The following RNF144A variants were observed in gnomAD, a reference collection of about 807,000 sequenced individuals.
RNF144A encodes the protein ring finger protein 144A.
RNF144A carries 11 observed loss-of-function variants against 38.7 expected under a neutral mutation model. The observed-to-expected ratio is 0.28, with a 90% CI of 0.18 to 0.47. RNF144A has a LOEUF of 0.47. Ranked by LOEUF, RNF144A falls within the 20% of genes least tolerant of loss-of-function variation. The pLI is 0.99. For synonymous variants in RNF144A, 149 were observed against 143.9 expected, an observed-to-expected ratio of 1.04 and a Z score of -0.25; for missense variants, 316 against 377.2, an observed-to-expected ratio of 0.84 and a Z score of 1.34.
At chr2:6,989,481 C>T (rs757242422) in intron 2 of RNF144A, among the ~76,000 whole-genome samples, 3 of 152,182 alleles carry the variant, frequency 2.0e-5, no homozygotes, top group African/African-American at 2.4e-5. Context: ...ATTACAGGTT[C>T]GGCCCATTCC....
At chr2:6,936,844 A>AGTGTGTGTGT (rs55971680) in intron 1 of RNF144A, among the ~76,000 whole-genome samples, 9,240 of 144,110 alleles carry the variant, frequency 0.064, 388 homozygotes, top group Non-Finnish European at 0.082. Context: ...CACACACAGT[A>AGTGTGTGTGT]GTGTGTGTGT....
At chr2:7,002,539 G>A (rs760744660) in intron 3 of RNF144A, among the ~76,000 whole-genome samples, 2 of 152,050 alleles carry the variant, frequency 1.3e-5, no homozygotes, top group Non-Finnish European at 1.5e-5. Flanking sequence ...AAGGAAAGAG[G>A]GTGTTGGGGC....
chr2:6,927,488 C>T (rs1664950132), intron 1 of RNF144A, among the ~76,000 whole-genome samples: 1 of 152,210 alleles, frequency 6.6e-6, no homozygotes, highest in Admixed American at 6.5e-5. Context: ...TGAGCTGTGT[C>T]CTGCTGGCCT....
intron 1 of RNF144A, among the ~76,000 whole-genome samples, chr2:6,930,786 G>A (rs1026151882): frequency 6.6e-6 from 1 of 151,936 alleles, no homozygotes; most frequent in Non-Finnish European, 1.5e-5. Context: ...TAGAGGGGGG[G>A]ATTTGCCATG....
At chr2:7,026,281 A>G (rs1174956169) in intron 7 of RNF144A, among the ~76,000 whole-genome samples, 6 of 152,338 alleles carry the variant, frequency 3.9e-5, no homozygotes, top group South Asian at 4.1e-4. Flanking sequence ...TAATAGTAGA[A>G]CGTGATGCAG....
chr2:7,065,579 A>T (rs547246327), intron 6 of RNF144A, among the ~76,000 whole-genome samples: 43 of 152,358 alleles, frequency 2.8e-4, no homozygotes, highest in African/African-American at 9.9e-4. Context: ...ACTAGTGTGG[A>T]ACTAGAATTT....
intron 3 of RNF144A, among the ~76,000 whole-genome samples, chr2:6,999,782 T>C (rs913871323): frequency 6.6e-6 from 1 of 152,234 alleles, no homozygotes; most frequent in Non-Finnish European, 1.5e-5. Flanking sequence ...GGTTTAGAAC[T>C]GCAGGAATAA....
chr2:6,945,627 A>G (rs1215723580), intron 2 of RNF144A, among the ~76,000 whole-genome samples: 1 of 152,130 alleles, frequency 6.6e-6, no homozygotes, highest in Non-Finnish European at 1.5e-5. Context: ...AGCATCCATG[A>G]TGTGCAAGGT....
rs551829814 is a variant in RNF144A at position 6,924,308 on chromosome 2, C to CCGAGG, written c.-212+6688_-212+6692dup. ...TTCCGTGGCCGTGTTGCTGGGGGGC[C>CCGAGG]CGAGGCACTGTGCGATGCACGGGAA... On this transcript the variant is annotated intron_variant, in intron 1 of 8. Transcript: ENST00000320892. Among the ~76,000 whole-genome samples, 465 of 152,352 alleles carry CCGAGG rather than the reference C, an allele frequency of 3.1e-3. 1 individual carries two copies. Among genetic ancestry groups the CCGAGG allele is most frequent in the African/African-American group, 0.011 (448 of 41,574 alleles).
chr2:6,965,291 G>T (rs1025433732), intron 2 of RNF144A, among the ~76,000 whole-genome samples: 1 of 152,188 alleles, frequency 6.6e-6, no homozygotes, highest in Non-Finnish European at 1.5e-5. Flanking sequence ...CATGAGGAGG[G>T]TGTGTCGGAG....
intron 6 of RNF144A, among the ~76,000 whole-genome samples, chr2:7,064,654 TAGATTAAGGA>T (rs1185504413): frequency 1.3e-5 from 2 of 152,144 alleles, no homozygotes; most frequent in Non-Finnish European, 2.9e-5. Context: ...ACACAGGCTG[TAGATTAAGGA>T]AGATTCTGGT....
At chr2:6,960,216 G>A (rs1007937100) in intron 2 of RNF144A, among the ~76,000 whole-genome samples, 3 of 152,178 alleles carry the variant, frequency 2.0e-5, no homozygotes, top group African/African-American at 4.8e-5. Context: ...ATTTTCCCTC[G>A]GAGTAGACTA....
downstream of RNF144A, among the ~76,000 whole-genome samples, chr2:7,045,360 G>T (rs1201356139): frequency 6.6e-6 from 1 of 152,156 alleles, no homozygotes; most frequent in East Asian, 1.9e-4. Context: ...TTCCAGGTCT[G>T]GAGGTTGGAA....
chr2:7,051,862 C>T (rs577298479), intron 6 of RNF144A, among the ~76,000 whole-genome samples: 40 of 152,248 alleles, frequency 2.6e-4, no homozygotes, highest in South Asian at 8.3e-4. Context: ...TGCTCCACTC[C>T]GGTCTGGTCT....
chr2:6,928,044 C>G (rs1027235332), intron 1 of RNF144A, among the ~76,000 whole-genome samples: 2 of 152,186 alleles, frequency 1.3e-5, no homozygotes, highest in Non-Finnish European at 2.9e-5. Context: ...TGTCACTAGG[C>G]ACGTCCTACA....
chr2:6,928,772 A>G (rs1665035904), intron 1 of RNF144A, among the ~76,000 whole-genome samples: 1 of 151,776 alleles, frequency 6.6e-6, no homozygotes, highest in African/African-American at 2.4e-5. Context: ...ATCACCTGAC[A>G]CCCTCTGTGG....
intron 1 of RNF144A, among the ~76,000 whole-genome samples, chr2:6,926,837 C>A (rs1207617539): frequency 6.6e-6 from 1 of 152,032 alleles, no homozygotes; most frequent in Non-Finnish European, 1.5e-5. Flanking sequence ...GTTCTTTAAT[C>A]CATCATTTGG....
intron 2 of RNF144A, among the ~76,000 whole-genome samples, chr2:6,963,559 A>G (rs1667473982): frequency 6.6e-6 from 1 of 152,176 alleles, no homozygotes; most frequent in Non-Finnish European, 1.5e-5. Context: ...CATTTACCTA[A>G]GTCTGTTTCC....
At chr2:6,946,427 A>G (rs1336765963) in intron 2 of RNF144A, among the ~76,000 whole-genome samples, 20 of 152,094 alleles carry the variant, frequency 1.3e-4, no homozygotes, top group Admixed American at 1.3e-3. Context: ...CTGTTTTATG[A>G]GTTGTGTTTC....
Sources: allele counts gnomAD v4.1 joint callset (sites outside exome capture counted in the v4.1 genomes callset), GRCh38; gene constraint gnomAD v4.1.1; transcripts MANE v1.5; gene names NCBI Gene and HGNC (gene_info 2026-07-23, HGNC 2026-07-21).